The following UHRF1 variants were observed in gnomAD, a reference collection of about 807,000 sequenced individuals.
The protein encoded by UHRF1 is ubiquitin like with PHD and ring finger domains 1, also known as E3 ubiquitin-protein ligase UHRF1.
Under a neutral mutation model 96.5 loss-of-function variants are expected in UHRF1, and 9 were observed. The ratio of observed to expected loss-of-function variants is 0.09; its 90% CI spans 0.06 to 0.16. The LOEUF (loss-of-function observed/expected upper bound fraction) is 0.16, where lower values mean the gene tolerates loss of function less well. Among genes scored for constraint, UHRF1 ranks in the 10% least tolerant of loss-of-function variants. The pLI is 1.00. For missense variants in UHRF1, 626 were observed against 1,131.1 expected (o/e 0.55, Z 6.40); for synonymous variants, 455 against 469.9 (o/e 0.97, Z 0.41).
chr19:4,945,017 G>A (rs1018323404), intron 9 of UHRF1, among the ~76,000 whole-genome samples: 7 of 152,202 alleles, frequency 4.6e-5, no homozygotes, highest in African/African-American at 1.4e-4. Flanking sequence ...GATTGCCCCT[G>A]GGTGAGATGC....
intron 5 of UHRF1, among the ~76,000 whole-genome samples, chr19:4,934,253 C>T (rs1161712690): frequency 3.3e-5 from 5 of 151,960 alleles, no homozygotes; most frequent in African/African-American, 9.7e-5. Flanking sequence ...AGGCTGGTCT[C>T]GAACTCCTGA....
At position 4,954,327 on chromosome 19, in the gene UHRF1, G is replaced by T. The variant is rs778585224; in HGVS notation, c.1819-23G>T. On this transcript the variant is annotated intron_variant, in intron 13 of 16. Coordinates refer to ENST00000650932, the MANE Select transcript of UHRF1 (RefSeq NM_001048201.3). The surrounding 1 kb of genome is among the most constrained non-coding windows in gnomAD (Gnocchi z 5.9). ...CGTGTGGGCCCCAAGCCTGACTCAC[G>T]GCTGTCCCTCTTCCTCCTGAAGTAT... 5.0e-6 allele frequency: 8 copies of T among 1,608,240 alleles called. No individual in the cohort carries two copies. In the Admixed American group the frequency reaches 1.4e-4, roughly 27 times the overall value.
chr19:4,929,305 C>T lies in UHRF1; in HGVS notation c.237C>T (p.Leu79=). The stretch of plus-strand genomic sequence containing the variant: ...TCCTGGTCCGCCAGAGCCTCGTGCT[C>T]CCCCACAGCACCAAGGAGCGGGACT... ...IQLLVRQSLV[L]PHSTKERDSE... is the part of the protein sequence containing the mutation. Residue 79 remains leucine (L), a synonymous_variant, in exon 3 of 17, where the codon CTC becomes CTT. Transcript: ENST00000650932. 2 of 1,613,828 alleles carry T rather than the reference C, an allele frequency of 1.2e-6. No individual in the cohort carries two copies. Among genetic ancestry groups the T allele is most frequent in the Non-Finnish European group, 1.7e-6 (2 of 1,179,896 alleles).
intron 2 of UHRF1, among the ~76,000 whole-genome samples, chr19:4,911,556 C>T (rs933454777): frequency 6.6e-6 from 1 of 152,160 alleles, no homozygotes; most frequent in Non-Finnish European, 1.5e-5. Context: ...CAGGAATTTC[C>T]GCCACCCTGA....
chr19:4,953,174 C>G (rs548054499), intron 13 of UHRF1, among the ~76,000 whole-genome samples: 5 of 152,176 alleles, frequency 3.3e-5, no homozygotes, highest in African/African-American at 1.2e-4. Flanking sequence ...CGTAGTGAAG[C>G]TTTGCGATTA....
chr19:4,926,950 C>T (rs2032892044), intron 2 of UHRF1, among the ~76,000 whole-genome samples: 1 of 152,112 alleles, frequency 6.6e-6, no homozygotes, highest in Non-Finnish European at 1.5e-5. Flanking sequence ...GTAATCCCCG[C>T]TACTTGGGAG....
intron 4 of UHRF1, among the ~76,000 whole-genome samples, chr19:4,931,879 G>A (rs2033063709): frequency 6.6e-6 from 1 of 152,166 alleles, no homozygotes; most frequent in Non-Finnish European, 1.5e-5. Flanking sequence ...TCCTGCCTCA[G>A]CCTCCCAAGT....
chr19:4,933,018 G>A (rs896189480), intron 5 of UHRF1, 62 bp downstream of exon 5: 29 of 1,505,536 alleles, frequency 1.9e-5, no homozygotes, highest in East Asian at 4.9e-5. Context: ...CGGGGCCCCC[G>A]GACTGGCTTT....
chr19:4,946,752 T>C (rs2033578022), intron 10 of UHRF1, among the ~76,000 whole-genome samples: 1 of 152,074 alleles, frequency 6.6e-6, no homozygotes, highest in Non-Finnish European at 1.5e-5. Flanking sequence ...TTTTTGTATT[T>C]TTTTGTGGTG....
At chr19:4,924,697 G>A (rs541435906) in intron 2 of UHRF1, among the ~76,000 whole-genome samples, 9 of 152,086 alleles carry the variant, frequency 5.9e-5, no homozygotes, top group African/African-American at 1.2e-4. Context: ...AGGCATAGCC[G>A]CCCCCACTGT....
intron 13 of UHRF1, among the ~76,000 whole-genome samples, chr19:4,951,714 A>AT (rs997524994): frequency 1.3e-5 from 2 of 151,002 alleles, no homozygotes; most frequent in African/African-American, 4.9e-5. Flanking sequence ...AAAAAAAAAA[A>AT]GCAGAAACAA....
intron 4 of UHRF1, among the ~76,000 whole-genome samples, 193 bp downstream of exon 4, chr19:4,931,069 C>G (rs1040868003): frequency 2.6e-5 from 4 of 152,188 alleles, no homozygotes; most frequent in Non-Finnish European, 5.9e-5. Flanking sequence ...CCGGCTGCCC[C>G]CTCCTGTGTC....
At chr19:4,940,342 C>G (rs2033352535) in intron 5 of UHRF1, among the ~76,000 whole-genome samples, 1 of 141,332 alleles carries the variant, frequency 7.1e-6, no homozygotes, top group South Asian at 2.3e-4. Context: ...GCCATTGGAT[C>G]AAGCGTTGCC....
intron 5 of UHRF1, among the ~76,000 whole-genome samples, chr19:4,936,098 G>A (rs1229306537): frequency 1.3e-5 from 2 of 152,174 alleles, no homozygotes; most frequent in African/African-American, 4.8e-5. Flanking sequence ...AGCCCTCTGG[G>A]GATGCAGGAG....
chr19:4,906,507 A>G (rs1051528491), upstream of UHRF1, among the ~76,000 whole-genome samples: 1 of 152,128 alleles, frequency 6.6e-6, no homozygotes, highest in African/African-American at 2.4e-5. Context: ...TAATCCCAGC[A>G]CTTTGGGAAG....
chr19:4,910,624 TC>T, intron 1 of UHRF1: 1 of 383,720 alleles, frequency 2.6e-6, no homozygotes. Context: ...CTTCTGCTTT[TC>T]TTTCAATTCC....
At chr19:4,947,044 C>A in intron 10 of UHRF1, 61 bp from the exon 11 acceptor site, 2 of 1,268,690 alleles carry the variant, frequency 1.6e-6, no homozygotes, top group Non-Finnish European at 2.2e-6. Flanking sequence ...GCTTTCAATG[C>A]AGTCTCTTTT....
chr19:4,936,553 C>T (rs566698606), intron 5 of UHRF1, among the ~76,000 whole-genome samples: 1 of 152,078 alleles, frequency 6.6e-6, no homozygotes, highest in Admixed American at 6.6e-5. Flanking sequence ...AAATGCAAGC[C>T]CTCTACACTG....
At chr19:4,937,220 A>C (rs928694537) in intron 5 of UHRF1, among the ~76,000 whole-genome samples, 1 of 151,718 alleles carries the variant, frequency 6.6e-6, no homozygotes, top group African/African-American at 2.4e-5. Flanking sequence ...ATTACAGATT[A>C]ATTGAAGTTA....
Sources: allele counts gnomAD v4.1 joint callset (sites outside exome capture counted in the v4.1 genomes callset), GRCh38; gene constraint gnomAD v4.1.1; non-coding constraint Gnocchi (gnomAD v3.1); transcripts MANE v1.5; gene names NCBI Gene and HGNC (gene_info 2026-07-23, HGNC 2026-07-21).